Variants in SLC26A5 observed in about 807,000 individuals in gnomAD.
SLC26A5 encodes the protein prestin.
Under a neutral mutation model 81.0 loss-of-function variants are expected in SLC26A5, and 51 were observed. The ratio of observed to expected loss-of-function variants is 0.63; its 90% CI spans 0.50 to 0.80. The LOEUF (loss-of-function observed/expected upper bound fraction) is 0.80, where lower values mean the gene tolerates loss of function less well. Among genes scored for constraint, SLC26A5 ranks in the 30% least tolerant of loss-of-function variants. SLC26A5 has a pLI of 0.00. For synonymous variants in SLC26A5, 325 were observed against 332.8 expected, an observed-to-expected ratio of 0.98 and a Z score of 0.25; for missense variants, 771 against 905.8, an observed-to-expected ratio of 0.85 and a Z score of 1.91.
downstream of SLC26A5, among the ~76,000 whole-genome samples, chr7:103,371,908 G>A (rs899003603): frequency 6.6e-5 from 10 of 151,714 alleles, no homozygotes; most frequent in Admixed American, 6.6e-4. Context: ...TGATGGCCAG[G>A]CTGGTCTTGA....
intron 2 of SLC26A5, among the ~76,000 whole-genome samples, chr7:103,436,008 A>G (rs947241624): frequency 3.3e-5 from 5 of 152,168 alleles, no homozygotes; most frequent in Admixed American, 6.5e-5. Context: ...TTAATATAAA[A>G]TATATAGGTG....
rs375613469 is a variant in SLC26A5 at position 103,378,464 on chromosome 7, G to A, written c.1767C>T (p.Asn589=). 18 of 1,614,056 alleles carry A rather than the reference G, an allele frequency of 1.1e-5. No individual in the cohort carries two copies. In the East Asian group the frequency reaches 2.5e-4, roughly 22 times the overall value. ...CACTCACTGCTTTGACAACAGTTGC[G>A]TTGGCCATATTTGCATTTCCGACTT... ...AKEVGNANMA[N]ATVVKADAEV... The change falls in exon 17 of 20, where the codon AAC becomes AAT. Residue 589 remains asparagine (N), a synonymous_variant. Transcript: ENST00000306312.
intron 4 of SLC26A5, among the ~76,000 whole-genome samples, chr7:103,415,516 T>C (rs184890768): frequency 9.9e-4 from 151 of 152,310 alleles, no homozygotes; most frequent in African/African-American, 3.3e-3. Context: ...ATTACTGGCA[T>C]CTAGTGGGTG....
At position 103,420,822 on chromosome 7, in the gene SLC26A5, A is replaced by AT. The variant is rs1251369274; in HGVS notation, c.207dup (p.Trp70MetfsTer14). The stretch of plus-strand genomic sequence containing the variant: ...TCCTTGAATTTGTATGCTGGCAGCC[A>AT]TTTAGTTATGGGTAGGAACATATAA... On this transcript the variant is annotated frameshift_variant, in exon 4 of 20. Coordinates refer to ENST00000306312, the MANE Select transcript of SLC26A5 (RefSeq NM_198999.3). LOFTEE classifies it high-confidence loss of function. 1.2e-6 allele frequency: 2 copies of AT among 1,613,996 alleles called. No homozygotes were observed. Among genetic ancestry groups the AT allele is most frequent in the Admixed American group, 3.3e-5 (2 of 60,032 alleles).
At chr7:103,398,330 G>C (rs1329190478) in intron 8 of SLC26A5, among the ~76,000 whole-genome samples, 1 of 152,196 alleles carries the variant, frequency 6.6e-6, no homozygotes, top group Non-Finnish European at 1.5e-5. Flanking sequence ...CTTACCTTTA[G>C]GGTGGTGAAA....
chr7:103,421,479 T>A lies in SLC26A5; in HGVS notation c.36A>T (p.Ala12=). 1 of 1,614,126 alleles carries A rather than the reference T, an allele frequency of 6.2e-7. No homozygotes were observed. The highest frequency in any genetic ancestry group is 8.5e-7 in the Non-Finnish European group (1 of 1,179,982). The change falls in exon 3 of 20, where the codon GCA becomes GCT. Residue 12 remains alanine (A), a synonymous_variant. Coordinates refer to ENST00000306312, the MANE Select transcript of SLC26A5 (RefSeq NM_198999.3). ...DHAEENEILA[A]TQRYYVERPI... ...GCCTTTCCACATAGTACCTCTGGGTTGCTGCAAGGATTTCATTTTCTTCAG... is the reference window on the plus strand; with the variant it reads ...GCCTTTCCACATAGTACCTCTGGGTAGCTGCAAGGATTTCATTTTCTTCAG...
chr7:103,398,606 G>A (rs757827876), intron 8 of SLC26A5, among the ~76,000 whole-genome samples: 9 of 152,142 alleles, frequency 5.9e-5, no homozygotes, highest in Non-Finnish European at 8.8e-5. Context: ...GATTGGCAGG[G>A]CATAGATTTA....
chr7:103,367,474 G>A lies in SLC26A5; in HGVS notation c.2041+9334C>T, dbSNP rs1820776164. On this transcript the variant is annotated intron_variant, in intron 19 of 19. Transcript: ENST00000339444. This position sits in a 1 kb window ranked among gnomAD's most constrained non-coding sequence, Gnocchi z 6.1. ...AAGTGCAGAGAACAATGTTGGAACT[G>A]ATCAATCAGCTTGATGGTTTTGATC... 6.2e-7 allele frequency: 1 copy of A among 1,614,114 alleles called. No individual in the cohort carries two copies. The highest frequency in any genetic ancestry group is 8.5e-7 in the Non-Finnish European group (1 of 1,180,016).
intron 2 of SLC26A5, among the ~76,000 whole-genome samples, chr7:103,434,801 G>A (rs1017281065): frequency 9.9e-5 from 15 of 152,022 alleles, no homozygotes; most frequent in Non-Finnish European, 2.1e-4. Flanking sequence ...ACAGGAGTGC[G>A]CCACCACGCC....
chr7:103,379,029 G>A (rs1821575277), intron 16 of SLC26A5, among the ~76,000 whole-genome samples: 1 of 152,120 alleles, frequency 6.6e-6, no homozygotes, highest in South Asian at 2.1e-4. Context: ...GGTGATGGCT[G>A]CACAATGTTT....
At chr7:103,419,744 G>C (rs1825191234) in intron 4 of SLC26A5, among the ~76,000 whole-genome samples, 1 of 151,794 alleles carries the variant, frequency 6.6e-6, no homozygotes, top group Non-Finnish European at 1.5e-5. Context: ...CACCATGTTG[G>C]CCAGGCTGAT....
intron 4 of SLC26A5, among the ~76,000 whole-genome samples, 167 bp from the exon 5 acceptor site, chr7:103,413,279 T>C (rs1032282787): frequency 6.6e-5 from 10 of 151,344 alleles, no homozygotes; most frequent in South Asian, 6.2e-4. Context: ...TTGGTGCTGA[T>C]AGAGTCCAAG....
chr7:103,411,651 T>G (rs966337015), intron 5 of SLC26A5, 65 bp from the exon 6 acceptor site: 1 of 1,572,074 alleles, frequency 6.4e-7, no homozygotes, highest in African/African-American at 1.4e-5. Flanking sequence ...TTTTTGCCAG[T>G]ACACCAAGAG....
chr7:103,412,752 T>C (rs925108194), intron 5 of SLC26A5, among the ~76,000 whole-genome samples: 4 of 152,020 alleles, frequency 2.6e-5, no homozygotes, highest in African/African-American at 9.7e-5. Context: ...GGTTTCACTA[T>C]GTTGGTCTGG....
At chr7:103,398,503 CA>C (rs1286884137) in intron 8 of SLC26A5, among the ~76,000 whole-genome samples, 1 of 152,168 alleles carries the variant, frequency 6.6e-6, no homozygotes, top group Non-Finnish European at 1.5e-5. Flanking sequence ...AGGGCCCCAG[CA>C]GCAACCCATA....
chr7:103,397,649 G>C (rs142937322), intron 9 of SLC26A5, among the ~76,000 whole-genome samples: 3 of 150,566 alleles, frequency 2.0e-5, no homozygotes, highest in Admixed American at 6.6e-5. Flanking sequence ...CCTGGGAGAC[G>C]GAGGTTGCAG....
At chr7:103,400,020 G>T (rs541975028) in intron 8 of SLC26A5, among the ~76,000 whole-genome samples, 1 of 147,388 alleles carries the variant, frequency 6.8e-6, no homozygotes, top group African/African-American at 2.4e-5. Flanking sequence ...GAATAGTGCT[G>T]CAATAAACAC....
intron 4 of SLC26A5, among the ~76,000 whole-genome samples, chr7:103,417,201 C>T (rs1387127448): frequency 1.3e-5 from 2 of 151,906 alleles, no homozygotes; most frequent in Admixed American, 6.6e-5. Context: ...GAAACCCTGT[C>T]TCTACTGAAA....
intron 19 of SLC26A5, chr7:103,369,020 TAATG>T (rs1820874398): frequency 6.6e-6 from 1 of 152,126 alleles, no homozygotes; most frequent in African/African-American, 2.4e-5. Flanking sequence ...CAAAGCACAA[TAATG>T]AATATTTTTA....
Sources: gnomAD v4.1 joint callset for allele counts (sites outside exome capture counted in the v4.1 genomes callset) on GRCh38, gnomAD v4.1.1 for gene constraint, Gnocchi (gnomAD v3.1) non-coding constraint, MANE v1.5 for transcripts, NCBI Gene and HGNC (gene_info 2026-07-23, HGNC 2026-07-21) for gene names.